ASPH: variants seen among roughly 807,000 people sequenced by gnomAD.
The protein encoded by ASPH is aspartyl/asparaginyl beta-hydroxylase.
ASPH carries 100 observed loss-of-function variants against 118.4 expected under a neutral mutation model. That is an observed-to-expected ratio of 0.84 (90% CI 0.72 to 1.00). ASPH has a LOEUF of 1.00. ASPH is among the 50% of genes least tolerant of loss of function. ASPH has a pLI of 0.00. For missense variants in ASPH, 920 were observed against 919.5 expected, an observed-to-expected ratio of 1.00 and a Z score of -0.01; for synonymous variants, 315 against 325.6, an observed-to-expected ratio of 0.97 and a Z score of 0.35.
intron 24 of ASPH, among the ~76,000 whole-genome samples, chr8:61,514,943 G>GGCAGGAAT (rs1357840590): frequency 6.6e-6 from 1 of 151,384 alleles, no homozygotes; most frequent in Non-Finnish European, 1.5e-5. Context: ...AAGGCAGGAA[G>GGCAGGAAT]GCAGGGAGGC....
chr8:61,579,321 G>C, intron 15 of ASPH: 1 of 1,614,200 alleles, frequency 6.2e-7, no homozygotes, highest in Non-Finnish European at 8.5e-7. Context: ...GCAGGACATG[G>C]CACGGCAGCT....
intron 3 of ASPH, chr8:61,675,940 T>A (rs2151525291): frequency 6.7e-7 from 1 of 1,502,416 alleles, no homozygotes; most frequent in Non-Finnish European, 8.8e-7. Context: ...CTGGGCAAGA[T>A]CACATGGTTG....
chr8:61,691,350 C>T (rs1251462299), intron 1 of ASPH, among the ~76,000 whole-genome samples: 2 of 152,148 alleles, frequency 1.3e-5, no homozygotes, highest in Non-Finnish European at 2.9e-5. Flanking sequence ...ACATCATGGC[C>T]AACTAAACAA....
intron 21 of ASPH, among the ~76,000 whole-genome samples, chr8:61,534,706 G>A (rs139142261): frequency 1.1e-4 from 17 of 152,326 alleles, no homozygotes; most frequent in African/African-American, 3.8e-4. Context: ...TAATTGGTCT[G>A]AGCTTTAAAT....
chr8:61,706,582 C>T (rs919565234), intron 1 of ASPH, among the ~76,000 whole-genome samples: 1 of 151,946 alleles, frequency 6.6e-6, no homozygotes, highest in Non-Finnish European at 1.5e-5. Context: ...TGTATTTGTC[C>T]CAAATTGTTC....
At chr8:61,581,561 A>G (rs1837543516) in intron 15 of ASPH, among the ~76,000 whole-genome samples, 1 of 152,168 alleles carries the variant, frequency 6.6e-6, no homozygotes, top group Non-Finnish European at 1.5e-5. Flanking sequence ...ACCTTTTATG[A>G]AGATCTACAG....
At chr8:61,625,337 G>A (rs1227132385) in intron 13 of ASPH, 2 of 985,768 alleles carry the variant, frequency 2.0e-6, no homozygotes, top group Non-Finnish European at 2.4e-6. Context: ...CCCAGCTCAA[G>A]GCGTTACTGA....
At chr8:61,572,148 A>G (rs1033352187) in intron 16 of ASPH, among the ~76,000 whole-genome samples, 4 of 152,246 alleles carry the variant, frequency 2.6e-5, no homozygotes, top group African/African-American at 9.6e-5. Flanking sequence ...AGTTCAGAAC[A>G]AAATTCACTT....
chr8:61,643,556 A>C, intron 8 of ASPH, 123 bp from the exon 9 acceptor site: 1 of 915,008 alleles, frequency 1.1e-6, no homozygotes, highest in African/African-American at 1.7e-5. Context: ...TTTCATTATC[A>C]TTTAATAAAA....
intron 18 of ASPH, among the ~76,000 whole-genome samples, chr8:61,560,403 A>C (rs1174209619): frequency 6.6e-6 from 1 of 152,252 alleles, no homozygotes; most frequent in Admixed American, 6.5e-5. Context: ...TGATTTTTAT[A>C]AATGTACTCA....
intron 21 of ASPH, among the ~76,000 whole-genome samples, chr8:61,534,392 C>T (rs1818710316): frequency 6.6e-6 from 1 of 152,092 alleles, no homozygotes; most frequent in East Asian, 1.9e-4. Flanking sequence ...CGGCAAAACC[C>T]CTTATTAGTC....
intron 2 of ASPH, chr8:61,682,535 T>C (rs750538915): frequency 2.0e-6 from 3 of 1,505,880 alleles, no homozygotes. Context: ...AAGGTACAAA[T>C]ACTTAAAGTG....
At chr8:61,595,356 A>C (rs984559771) in intron 14 of ASPH, among the ~76,000 whole-genome samples, 1 of 152,252 alleles carries the variant, frequency 6.6e-6, no homozygotes, top group African/African-American at 2.4e-5. Context: ...TACCCAATAG[A>C]GAAAATACAT....
chr8:61,649,917 T>G (rs1810032428), intron 5 of ASPH, among the ~76,000 whole-genome samples: 1 of 152,150 alleles, frequency 6.6e-6, no homozygotes, highest in Non-Finnish European at 1.5e-5. Flanking sequence ...CACCTACATA[T>G]TCCACGTGCC....
intron 14 of ASPH, among the ~76,000 whole-genome samples, chr8:61,608,574 A>G (rs985011758): frequency 6.6e-6 from 1 of 152,158 alleles, no homozygotes; most frequent in Admixed American, 6.5e-5. Flanking sequence ...TTTATATTTT[A>G]TTAAAAAACC....
chr8:61,637,896 A>G (rs778147233), intron 12 of ASPH, 51 bp downstream of exon 12: 4 of 1,524,850 alleles, frequency 2.6e-6, no homozygotes, highest in East Asian at 2.3e-5. Context: ...CTGAATAAAC[A>G]AACACAATTC....
intron 14 of ASPH, among the ~76,000 whole-genome samples, chr8:61,603,358 C>T (rs1844673550): frequency 1.3e-5 from 2 of 152,086 alleles, no homozygotes; most frequent in East Asian, 1.9e-4. Context: ...GGTCCAAAGA[C>T]AGCAATTCGT....
chr8:61,688,873 G>C (rs1233969932), intron 1 of ASPH, among the ~76,000 whole-genome samples: 2 of 152,160 alleles, frequency 1.3e-5, no homozygotes, highest in African/African-American at 4.8e-5. Context: ...CACTTTATCA[G>C]ACGAGTCAAG....
At chr8:61,675,676 C>A in intron 3 of ASPH, 2 of 989,158 alleles carry the variant, frequency 2.0e-6, no homozygotes, top group Admixed American at 5.9e-5. Context: ...TAATGAAATC[C>A]ATTAGAATCA....
Sources: gnomAD v4.1 joint callset for allele counts (sites outside exome capture counted in the v4.1 genomes callset) on GRCh38, gnomAD v4.1.1 for gene constraint, MANE v1.5 for transcripts, NCBI Gene and HGNC (gene_info 2026-07-23, HGNC 2026-07-21) for gene names.